The following ALG6 variants were observed in gnomAD, a reference collection of about 807,000 sequenced individuals.
ALG6 encodes ALG6 alpha-1,3-glucosyltransferase.
ALG6 carries 46 observed loss-of-function variants against 66.6 expected under a neutral mutation model. That is an observed-to-expected ratio of 0.69 (90% CI 0.55 to 0.88). The LOEUF (loss-of-function observed/expected upper bound fraction) is 0.88, where lower values mean the gene tolerates loss of function less well. Ranked by LOEUF, ALG6 falls within the 40% of genes least tolerant of loss-of-function variation. The probability of loss-of-function intolerance (pLI) is 0.00; values close to 1 mark genes in which losing one functional copy is unlikely to be tolerated. For synonymous variants in ALG6, 185 were observed against 203.7 expected (o/e 0.91, Z 0.78); for missense variants, 505 against 586.8 (o/e 0.86, Z 1.44).
intron 11 of ALG6, among the ~76,000 whole-genome samples, chr1:63,416,648 T>C (rs1407857726): frequency 6.6e-6 from 1 of 152,074 alleles, no homozygotes; most frequent in Non-Finnish European, 1.5e-5. Flanking sequence ...AACTAAAAAA[T>C]ATTTTTGAGA....
At position 63,419,380 on chromosome 1, in the gene ALG6, C is replaced by A; in HGVS notation, c.998C>A (p.Ala333Glu). The A allele has an allele frequency of 1.2e-6, 2 of 1,608,560 alleles. No individual in the cohort carries two copies. The highest frequency in any genetic ancestry group is 1.3e-5 in the African/African-American group (1 of 74,834). The change falls in exon 12 of 15, where the codon GCG becomes GAG. Residue 333 changes from alanine (A) to glutamate (E), a missense_variant. Ala to Glu is a moderately radical substitution (Grantham distance 107, BLOSUM62 -1). Transcript: ENST00000263440. ...CCTTTTTTCTTAAAGGTTAGCTGTGCGCTATCATTCTTTTTATTTTCTTTC... is the reference window on the plus strand; with the variant it reads ...CCTTTTTTCTTAAAGGTTAGCTGTGAGCTATCATTCTTTTTATTTTCTTTC... ...KGFKFTLVSCALSFFLFSFQV... is the reference protein window; with the variant it reads ...KGFKFTLVSCELSFFLFSFQV...
intron 3 of ALG6, among the ~76,000 whole-genome samples, chr1:63,399,371 AG>A (rs1338865676): frequency 1.3e-5 from 2 of 152,214 alleles, no homozygotes; most frequent in Non-Finnish European, 2.9e-5. Flanking sequence ...TGCAAATCAC[AG>A]GACTTGCCTA....
chr1:63,434,137 T>C (rs1178052564), intron 14 of ALG6, among the ~76,000 whole-genome samples: 2 of 152,186 alleles, frequency 1.3e-5, no homozygotes, highest in Admixed American at 6.5e-5. Flanking sequence ...CTTACATTTT[T>C]AAAAGGTCCC....
chr1:63,379,536 T>C (rs182994280), intron 2 of ALG6, among the ~76,000 whole-genome samples: 3 of 152,194 alleles, frequency 2.0e-5, no homozygotes, highest in African/African-American at 7.2e-5. Context: ...TTTGCCTCCT[T>C]ACTGACTGCA....
intron 2 of ALG6, among the ~76,000 whole-genome samples, chr1:63,393,458 G>A (rs1016048765): frequency 2.6e-5 from 4 of 152,152 alleles, no homozygotes; most frequent in African/African-American, 9.7e-5. Context: ...ATAGTCATAT[G>A]ATAAAACATG....
At chr1:63,397,881 G>A (rs1034624530) in intron 3 of ALG6, among the ~76,000 whole-genome samples, 2 of 152,076 alleles carry the variant, frequency 1.3e-5, no homozygotes, top group African/African-American at 4.8e-5. Context: ...ATATTTCACT[G>A]GGTTATTGTG....
chr1:63,399,523 C>T (rs921063088), intron 3 of ALG6, among the ~76,000 whole-genome samples: 2 of 151,956 alleles, frequency 1.3e-5, no homozygotes, highest in Non-Finnish European at 2.9e-5. Context: ...TGTGTGTATG[C>T]GTGTATAAAA....
At chr1:63,388,093 A>G (rs534360886) in intron 2 of ALG6, among the ~76,000 whole-genome samples, 112 of 148,966 alleles carry the variant, frequency 7.5e-4, no homozygotes, top group South Asian at 4.3e-3. Flanking sequence ...TTTTTTTTGT[A>G]TTTTTAGTAG....
At chr1:63,415,218 C>A (rs552835316) in intron 10 of ALG6, among the ~76,000 whole-genome samples, 2 of 150,484 alleles carry the variant, frequency 1.3e-5, no homozygotes, top group Non-Finnish European at 3.0e-5. Flanking sequence ...TGGGAAAAAT[C>A]AGTTATTGTA....
chr1:63,387,042 C>T (rs769684195), intron 2 of ALG6, among the ~76,000 whole-genome samples: 1 of 152,158 alleles, frequency 6.6e-6, no homozygotes, highest in Non-Finnish European at 1.5e-5. Context: ...TCTTCGTTGG[C>T]ACACTGGGCA....
chr1:63,428,902 T>C lies in ALG6; in HGVS notation c.1128-26T>C, dbSNP rs772432140. On this transcript the variant is annotated intron_variant, in intron 13 of 14. Transcript: ENST00000263440. ...ATGGTTTGAATTGATAATTCTCTTG[T>C]GATTTTTAAAAATTTTCCTTTACAG... The C allele has an allele frequency of 1.9e-6, 3 of 1,605,830 alleles. No homozygotes were observed. In the Admixed American group the frequency reaches 5.0e-5, roughly 27 times the overall value.
At chr1:63,422,448 T>TATATATAAATATAAATATATATATAA (rs1553156519) in intron 12 of ALG6, among the ~76,000 whole-genome samples, 9 of 121,478 alleles carry the variant, frequency 7.4e-5, no homozygotes, top group African/African-American at 1.7e-4. Context: ...TATATAAATA[T>TATATATAAATATAAATATATATATAA]ATATATAAAT....
At position 63,436,085 on chromosome 1, in the gene ALG6, C is replaced by T. The variant is rs139749276; in HGVS notation, c.1327-738C>T. Reference sequence around the variant, plus strand: ...TGCTTTACTCATTGAAAGCATTTAGCGAATATGAAATGTAATTTTCCATTT... The same window carrying T: ...TGCTTTACTCATTGAAAGCATTTAGTGAATATGAAATGTAATTTTCCATTT... On this transcript the variant is annotated intron_variant, in intron 14 of 14. Transcript: ENST00000263440. 3.1e-3 allele frequency among the ~76,000 whole-genome samples: 469 copies of T among 152,102 alleles called. 2 individuals carry two copies. Among genetic ancestry groups the T allele is most frequent in the African/African-American group, 0.011 (447 of 41,474 alleles).
Position 63,414,061 on chromosome 1 carries a change from G to C in ALG6, c.817G>C (p.Asp273His). The C allele has an allele frequency of 6.2e-7, 1 of 1,606,638 alleles. No individual in the cohort carries two copies. Residue 273 changes from aspartate (D) to histidine (H), a missense_variant and splice_region_variant, in exon 10 of 15, where the codon GAT becomes CAT. Coordinates refer to ENST00000263440, the MANE Select transcript of ALG6 (RefSeq NM_013339.4). ...LFPVDRGLFE[D>H]KVANIWCSFN... Reference sequence around the variant, plus strand: ...GTAAAGCTAACAAATCTCTTTTAAGGATAAAGTAGCCAATATTTGGTGCAG... The same window carrying C: ...GTAAAGCTAACAAATCTCTTTTAAGCATAAAGTAGCCAATATTTGGTGCAG...
chr1:63,428,474 GA>G (rs779409180), intron 12 of ALG6: 3 of 311,054 alleles, frequency 9.6e-6, no homozygotes, highest in South Asian at 8.1e-5. Flanking sequence ...GTATGATAGA[GA>G]AAAAAAGTTC....
At position 63,407,115 on chromosome 1, in the gene ALG6, T is replaced by C. The variant is rs1275254106; in HGVS notation, c.483T>C (p.Tyr161=). ...ATCCAGGCCTTATTCTTATAGACTA[T>C]GGACATTTTCAGTATCCTTTACTAA... is the stretch of plus-strand genomic sequence containing the variant. ...LLYPGLILID[Y]GHFQYNSVSL... The change falls in exon 7 of 15, where the codon TAT becomes TAC. Residue 161 remains tyrosine (Y), a synonymous_variant. Transcript: ENST00000263440. 2.8e-5 allele frequency: 45 copies of C among 1,606,902 alleles called. No individual in the cohort carries two copies. Among genetic ancestry groups the C allele is most frequent in the Non-Finnish European group, 3.7e-5 (43 of 1,174,070 alleles).
chr1:63,368,099 G>A (rs1647787928), intron 1 of ALG6, among the ~76,000 whole-genome samples: 1 of 152,160 alleles, frequency 6.6e-6, no homozygotes, highest in Non-Finnish European at 1.5e-5. Context: ...TGGGGACGGC[G>A]GGCTTGGCAT....
intron 12 of ALG6, among the ~76,000 whole-genome samples, chr1:63,421,866 T>G: frequency 6.6e-6 from 1 of 150,464 alleles, no homozygotes; most frequent in East Asian, 2.0e-4. Flanking sequence ...CACTGGCCTG[T>G]TGGGGGGTGG....
chr1:63,403,077 AGAGT>A (rs1192176688), intron 4 of ALG6, among the ~76,000 whole-genome samples: 2 of 138,268 alleles, frequency 1.4e-5, no homozygotes, highest in South Asian at 5.2e-4. Context: ...CCTGGGCAAC[AGAGT>A]GAGACTCCAT....
Sources: allele counts gnomAD v4.1 joint callset (sites outside exome capture counted in the v4.1 genomes callset), GRCh38; gene constraint gnomAD v4.1.1; transcripts MANE v1.5; gene names NCBI Gene and HGNC (gene_info 2026-07-23, HGNC 2026-07-21).